Variants in GNB1L observed in about 807,000 individuals in gnomAD.
GNB1L encodes the protein G protein subunit beta 1 like.
GNB1L carries 20 observed loss-of-function variants against 29.1 expected under a neutral mutation model. The ratio of observed to expected loss-of-function variants is 0.69; its 90% CI spans 0.48 to 1.00. The LOEUF is 1.00. Among genes scored for constraint, GNB1L ranks in the 50% least tolerant of loss-of-function variants. The pLI is 0.00. For missense variants in GNB1L, 421 were observed against 464.9 expected (o/e 0.91, Z 0.87); for synonymous variants, 193 against 206.5 (o/e 0.93, Z 0.56).
At position 19,806,834 on chromosome 22, in the gene GNB1L, C is replaced by T. The variant is rs1002830188; in HGVS notation, c.418-77G>A. 28 of 1,044,304 alleles carry T rather than the reference C, an allele frequency of 2.7e-5. No individual in the cohort carries two copies. The East Asian group carries it at 3.5e-4, about 13-fold the overall frequency. 64.7% of individuals were successfully genotyped at this position (1,044,304 alleles called of 1,614,324 possible). On this transcript the variant is annotated intron_variant, in intron 5 of 7. Coordinates refer to ENST00000329517, the MANE Select transcript of GNB1L (RefSeq NM_053004.3). ...CTATACAAACAAGAGACTCTTAAGG[C>T]GATTAGCCCGGGCTGCTGTGAGTTT...
At chr22:19,853,004 G>A (rs1197265161) in intron 2 of GNB1L, among the ~76,000 whole-genome samples, 3 of 152,156 alleles carry the variant, frequency 2.0e-5, no homozygotes, top group African/African-American at 4.8e-5. Context: ...CGCACAGACC[G>A]CGTCGTCATT....
At chr22:19,832,258 A>G (rs1422661399) in intron 2 of GNB1L, among the ~76,000 whole-genome samples, 1 of 152,184 alleles carries the variant, frequency 6.6e-6, no homozygotes, top group Non-Finnish European at 1.5e-5. Flanking sequence ...TAAGCCCAGG[A>G]GTTCAAGGCT....
intron 2 of GNB1L, among the ~76,000 whole-genome samples, chr22:19,853,726 G>A (rs1017261196): frequency 6.6e-6 from 1 of 152,028 alleles, no homozygotes; most frequent in Admixed American, 6.5e-5. Flanking sequence ...TCTGGGGGGG[G>A]GGTCTTCACC....
intron 2 of GNB1L, among the ~76,000 whole-genome samples, chr22:19,822,349 G>C (rs1468650058): frequency 6.6e-6 from 1 of 152,142 alleles, no homozygotes; most frequent in African/African-American, 2.4e-5. Flanking sequence ...GGGCCTGTGG[G>C]GGAAGACTGC....
At chr22:19,822,020 G>A (rs748018960) in intron 2 of GNB1L, among the ~76,000 whole-genome samples, 2 of 152,164 alleles carry the variant, frequency 1.3e-5, no homozygotes, top group Non-Finnish European at 2.9e-5. Context: ...GCCAGCTCAG[G>A]GATCAGGGGA....
intron 2 of GNB1L, chr22:19,851,553 C>A: frequency 6.2e-7 from 1 of 1,612,898 alleles, no homozygotes. Flanking sequence ...GTGGCCATGG[C>A]GGCTGGTAAA....
In GNB1L at chr22:19,788,286, T is replaced by A. The variant is rs77400283; in HGVS notation, c.*423A>T. 287 of 470,908 alleles carry A rather than the reference T, an allele frequency of 6.1e-4. 1 individual carries two copies. In the East Asian group the frequency reaches 0.01, roughly 16 times the overall value. The allele number at this position is 470,908 out of a possible 1,614,324, so 29.2% of individuals were successfully genotyped here. A position where few individuals can be genotyped will look rare whatever the true frequency, so the allele number is the denominator to read the frequency against. On this transcript the variant is annotated 3_prime_UTR_variant, in exon 8 of 8. Coordinates refer to ENST00000329517, the MANE Select transcript of GNB1L (RefSeq NM_053004.3). ...GAGGCCTGGCCCAGGAAACCCACAC[T>A]CGGGGTGGCCCATTCAACAGCAGGT...
chr22:19,823,040 G>A (rs896126106), intron 2 of GNB1L, among the ~76,000 whole-genome samples: 2 of 152,200 alleles, frequency 1.3e-5, no homozygotes, highest in Admixed American at 1.3e-4. Flanking sequence ...GGCCTGGGAG[G>A]GGCCGGGCAG....
chr22:19,849,558 G>T, intron 2 of GNB1L: 1 of 411,614 alleles, frequency 2.4e-6, no homozygotes, highest in Non-Finnish European at 3.3e-6. Flanking sequence ...AGGAGAGATG[G>T]ATTTCTCCAT....
chr22:19,807,472 T>G (rs892722939), intron 5 of GNB1L, among the ~76,000 whole-genome samples: 4 of 151,756 alleles, frequency 2.6e-5, no homozygotes, highest in Non-Finnish European at 5.9e-5. Flanking sequence ...CAGCCAGCAC[T>G]GAACTTCCCC....
rs1010948067 is a variant in GNB1L at position 19,821,663 on chromosome 22, G to A, written c.-20-288C>T. 6.6e-5 allele frequency among the ~76,000 whole-genome samples: 10 copies of A among 152,284 alleles called. No individual in the cohort carries two copies. The South Asian group carries it at 1.2e-3, about 19-fold the overall frequency. On this transcript the variant is annotated intron_variant, in intron 2 of 7. Transcript: ENST00000329517. ...CATGGATGCCAGCCCTCCTCGCACC[G>A]TGCCTGTTGGCCTCTGCACCTGACT...
At chr22:19,811,374 C>A (rs998868494) in intron 5 of GNB1L, among the ~76,000 whole-genome samples, 1 of 152,232 alleles carries the variant, frequency 6.6e-6, no homozygotes, top group Non-Finnish European at 1.5e-5. Context: ...ACGTGTGCGC[C>A]CCCTATTCCA....
chr22:19,854,459 C>G lies in GNB1L; in HGVS notation c.-37G>C, dbSNP rs1938187770. 6.5e-6 allele frequency: 1 copy of G among 152,696 alleles called. No individual in the cohort carries two copies. Among genetic ancestry groups the G allele is most frequent in the Non-Finnish European group, 1.5e-5 (1 of 68,070 alleles). 9.5% of individuals were successfully genotyped at this position (152,696 alleles called of 1,614,324 possible). ...CCCACCCACCTGAGGCTACGCGAATCGCCCGCGAAGAGGGTCCTGGGATCC... is the reference window on the plus strand; with the variant it reads ...CCCACCCACCTGAGGCTACGCGAATGGCCCGCGAAGAGGGTCCTGGGATCC... On this transcript the variant is annotated 5_prime_UTR_variant, in exon 2 of 8. Coordinates refer to ENST00000329517, the MANE Select transcript of GNB1L (RefSeq NM_053004.3).
rs143706825 is a variant in GNB1L, at chr22:19,852,083, G to A, written c.-21+2360C>T. 67 of 1,614,102 alleles carry A rather than the reference G, an allele frequency of 4.2e-5. No homozygotes were observed. In the African/African-American group the frequency reaches 5.1e-4, roughly 12 times the overall value. ...AGCTGTGCTCTTCTGCTCCATGGTCGTTCGCACACACACGGTGTCCCCACA... is the reference window on the plus strand; with the variant it reads ...AGCTGTGCTCTTCTGCTCCATGGTCATTCGCACACACACGGTGTCCCCACA... On this transcript the variant is annotated intron_variant, in intron 2 of 7. Coordinates refer to ENST00000329517, the MANE Select transcript of GNB1L (RefSeq NM_053004.3).
chr22:19,846,551 G>A (rs1476035473), intron 2 of GNB1L: 1 of 985,384 alleles, frequency 1.0e-6, no homozygotes, highest in East Asian at 1.1e-4. Flanking sequence ...GACAAAACCA[G>A]AGAAGCCTAT....
At chr22:19,797,915 G>A (rs902888140) in intron 7 of GNB1L, among the ~76,000 whole-genome samples, 2 of 152,038 alleles carry the variant, frequency 1.3e-5, no homozygotes, top group African/African-American at 4.8e-5. Context: ...CGCTCTGCCT[G>A]TCCTCTACCT....
At chr22:19,819,899 C>G (rs1255145209) in intron 4 of GNB1L, among the ~76,000 whole-genome samples, 1 of 152,118 alleles carries the variant, frequency 6.6e-6, no homozygotes, top group East Asian at 1.9e-4. Context: ...TGTGGGACAG[C>G]ACTATACACC....
chr22:19,815,605 C>T (rs1484116010), intron 4 of GNB1L, among the ~76,000 whole-genome samples: 1 of 152,042 alleles, frequency 6.6e-6, no homozygotes, highest in Non-Finnish European at 1.5e-5. Flanking sequence ...TTCTTTGAGA[C>T]AATATCTTGA....
intron 2 of GNB1L, chr22:19,850,645 T>A (rs934459745): frequency 1.6e-6 from 2 of 1,225,802 alleles, no homozygotes; most frequent in Non-Finnish European, 2.0e-6. Flanking sequence ...AGTGGCCACT[T>A]CCTCCAGGCA....
Sources: allele counts gnomAD v4.1 joint callset (sites outside exome capture counted in the v4.1 genomes callset), GRCh38; gene constraint gnomAD v4.1.1; transcripts MANE v1.5; gene names NCBI Gene and HGNC (gene_info 2026-07-23, HGNC 2026-07-21).